Variants in ST3GAL6 observed in about 807,000 individuals in gnomAD.
The protein encoded by ST3GAL6 is ST3 beta-galactoside alpha-2,3-sialyltransferase 6, also known as type 2 lactosamine alpha-2,3-sialyltransferase.
A neutral mutation model predicts 40.5 loss-of-function variants in ST3GAL6; 31 were observed. The observed-to-expected ratio is 0.77, with a 90% CI of 0.58 to 1.03. The LOEUF is 1.03. Among genes scored for constraint, ST3GAL6 ranks in the 50% least tolerant of loss-of-function variants. The pLI, the probability that ST3GAL6 is intolerant of heterozygous loss-of-function variation, is 0.00. For missense variants in ST3GAL6, 357 were observed against 393.2 expected, an observed-to-expected ratio of 0.91 and a Z score of 0.78; for synonymous variants, 129 against 136.9, an observed-to-expected ratio of 0.94 and a Z score of 0.40.
chr3:98,775,304 AGTCTCTACT>A (rs1257634739), intron 5 of ST3GAL6, among the ~76,000 whole-genome samples: 1 of 151,978 alleles, frequency 6.6e-6, no homozygotes, highest in African/African-American at 2.4e-5. Context: ...AGTGAAACCC[AGTCTCTACT>A]AAAAATACAA....
intron 1 of ST3GAL6, among the ~76,000 whole-genome samples, chr3:98,764,487 C>CT (rs2107127688): frequency 6.6e-6 from 1 of 152,252 alleles, no homozygotes; most frequent in African/African-American, 2.4e-5. Context: ...TCATCAATTA[C>CT]TAGAATTGAT....
In ST3GAL6 at chr3:98,768,107, G is replaced by A. The variant is rs371780121; in HGVS notation, c.-11-323G>A. 8.5e-5 allele frequency among the ~76,000 whole-genome samples: 13 copies of A among 152,290 alleles called. No individual in the cohort carries two copies. In the East Asian group the frequency reaches 1.9e-3, roughly 23 times the overall value. The stretch of plus-strand genomic sequence containing the variant: ...AAAAAGTTTTGGATATGGAATAGAT[G>A]TGTAAAATTTTATTCTGAAGGAATT... On this transcript the variant is annotated intron_variant, in intron 1 of 9. Coordinates refer to ENST00000483910, the MANE Select transcript of ST3GAL6 (RefSeq NM_001323368.2).
chr3:98,743,801 C>T (rs1011686091), intron 1 of ST3GAL6, among the ~76,000 whole-genome samples: 4 of 152,076 alleles, frequency 2.6e-5, no homozygotes, highest in Non-Finnish European at 4.4e-5. Flanking sequence ...CATTAATTAG[C>T]GCCTGGTATT....
intron 9 of ST3GAL6, among the ~76,000 whole-genome samples, chr3:98,793,361 A>G (rs1269310758): frequency 6.6e-6 from 1 of 152,192 alleles, no homozygotes; most frequent in Admixed American, 6.5e-5. Flanking sequence ...GGCTTCTTCC[A>G]TTAAAGTGAA....
At chr3:98,788,930 T>A (rs1381581788) in intron 8 of ST3GAL6, among the ~76,000 whole-genome samples, 1 of 152,212 alleles carries the variant, frequency 6.6e-6, no homozygotes, top group Non-Finnish European at 1.5e-5. Flanking sequence ...AATAAAGTAG[T>A]CCAGAAACAT....
At chr3:98,758,784 T>G (rs1937559807), upstream of ST3GAL6, among the ~76,000 whole-genome samples, 1 of 152,236 alleles carries the variant, frequency 6.6e-6, no homozygotes, top group Admixed American at 6.5e-5. Context: ...CATGGGAAGC[T>G]GATACTTCAC....
intron 1 of ST3GAL6, among the ~76,000 whole-genome samples, chr3:98,739,880 A>C (rs56976804): frequency 6.6e-6 from 1 of 151,944 alleles, no homozygotes; most frequent in Non-Finnish European, 1.5e-5. Context: ...GAATTTTTCA[A>C]CTACATTTTA....
chr3:98,788,289 G>C (rs759879574), intron 7 of ST3GAL6, 37 bp from the exon 8 acceptor site: 1 of 1,577,124 alleles, frequency 6.3e-7, no homozygotes, highest in Non-Finnish European at 8.5e-7. Context: ...AAAACAGACA[G>C]CCACACTGTT....
In ST3GAL6 at chr3:98,764,910, T is replaced by A. The variant is rs572662600; in HGVS notation, c.-12+1471T>A. On this transcript the variant is annotated intron_variant, in intron 1 of 9. Coordinates refer to ENST00000483910, the MANE Select transcript of ST3GAL6 (RefSeq NM_001323368.2). ...GCTAGGCATTTAGGGTAAAAAAAAATAATACAAAGCATCTAGTTATGGGAT... is the reference window on the plus strand; with the variant it reads ...GCTAGGCATTTAGGGTAAAAAAAAAAAATACAAAGCATCTAGTTATGGGAT... Among the ~76,000 whole-genome samples the A allele has an allele frequency of 7.2e-5, 11 of 152,202 alleles. No individual in the cohort carries two copies. The South Asian group carries it at 2.1e-3, about 29-fold the overall frequency.
chr3:98,790,898 G>C (rs1941142868), intron 8 of ST3GAL6, among the ~76,000 whole-genome samples: 1 of 152,138 alleles, frequency 6.6e-6, no homozygotes, highest in Non-Finnish European at 1.5e-5. Flanking sequence ...GGTTACAATG[G>C]TACATAGGAT....
chr3:98,792,279 T>C (rs531911426), intron 9 of ST3GAL6, among the ~76,000 whole-genome samples: 8 of 152,330 alleles, frequency 5.3e-5, no homozygotes, highest in South Asian at 2.1e-4. Flanking sequence ...ATTTGCACTA[T>C]TGAAATTCAG....
intron 1 of ST3GAL6, among the ~76,000 whole-genome samples, chr3:98,764,144 C>A (rs775862333): frequency 1.3e-5 from 2 of 152,090 alleles, no homozygotes; most frequent in Non-Finnish European, 2.9e-5. Flanking sequence ...AGATACCCAC[C>A]GGGTTTTTCT....
Position 98,757,396 on chromosome 3 carries a change from G to A in ST3GAL6, c.-11-11034G>A, listed in dbSNP as rs147763298. Among the ~76,000 whole-genome samples the A allele has an allele frequency of 1.8e-4, 28 of 152,266 alleles. No individual in the cohort carries two copies. In the East Asian group the frequency reaches 4.4e-3, roughly 24 times the overall value. ...GAGGGTTTCAAAGTCCTTCCCCAGC[G>A]TGGTCCTTAGCCACTGGACTTGCAG... On this transcript the variant is annotated intron_variant, in intron 1 of 9. Coordinates refer to the ST3GAL6 transcript ENST00000265261.
chr3:98,763,125 G>A, upstream of ST3GAL6: 1 of 985,328 alleles, frequency 1.0e-6, no homozygotes, highest in Non-Finnish European at 1.2e-6. Context: ...GAGATGGCTG[G>A]GTCTGTGAGG....
chr3:98,790,901 CAT>C (rs1559757204), intron 8 of ST3GAL6, among the ~76,000 whole-genome samples: 1 of 152,094 alleles, frequency 6.6e-6, no homozygotes, highest in African/African-American at 2.4e-5. Flanking sequence ...TACAATGGTA[CAT>C]AGGATAAAGA....
At chr3:98,744,892 C>T (rs1936420320) in intron 1 of ST3GAL6, among the ~76,000 whole-genome samples, 1 of 152,082 alleles carries the variant, frequency 6.6e-6, no homozygotes, top group Non-Finnish European at 1.5e-5. Context: ...AATAGAAAAG[C>T]CCTCAGTTTA....
At chr3:98,780,534 G>A (rs866724779) in intron 5 of ST3GAL6, among the ~76,000 whole-genome samples, 1 of 152,110 alleles carries the variant, frequency 6.6e-6, no homozygotes, top group African/African-American at 2.4e-5. Context: ...AGAATCTTTG[G>A]AATGGGCGTT....
chr3:98,789,184 G>GA (rs1941002494), intron 8 of ST3GAL6, among the ~76,000 whole-genome samples: 1 of 151,992 alleles, frequency 6.6e-6, no homozygotes, highest in Non-Finnish European at 1.5e-5. Flanking sequence ...TTAAAGTAGG[G>GA]AAAAATCCAA....
At chr3:98,768,069 T>A (rs1330638291) in intron 1 of ST3GAL6, among the ~76,000 whole-genome samples, 2 of 152,214 alleles carry the variant, frequency 1.3e-5, no homozygotes, top group Non-Finnish European at 2.9e-5. Context: ...TAGATAGGTT[T>A]TAATGTTTGT....
Sources: allele counts gnomAD v4.1 joint callset (sites outside exome capture counted in the v4.1 genomes callset), GRCh38; gene constraint gnomAD v4.1.1; transcripts MANE v1.5; gene names NCBI Gene and HGNC (gene_info 2026-07-23, HGNC 2026-07-21).